NXPE2: variants seen among roughly 807,000 people sequenced by gnomAD.
The protein encoded by NXPE2 is NXPE family member 2.
Under a neutral mutation model 34.4 loss-of-function variants are expected in NXPE2, and 34 were observed. That is an observed-to-expected ratio of 0.99 (90% confidence interval 0.75 to 1.31). The LOEUF (loss-of-function observed/expected upper bound fraction) is 1.31. Among genes scored for constraint, NXPE2 ranks in the 40% most tolerant of loss-of-function variants. The pLI is 0.00. For synonymous variants in NXPE2, 235 were observed against 231.3 expected (o/e 1.02, Z -0.15); for missense variants, 649 against 672.5 (o/e 0.97, Z 0.39).
chr11:114,500,401 T>C, the NXPE2 span, among the ~76,000 whole-genome samples: 1 of 152,156 alleles, frequency 6.6e-6, no homozygotes, highest in Admixed American at 6.5e-5. Context: ...TGGCCATTCA[T>C]ATACTTTTGT....
the NXPE2 span, among the ~76,000 whole-genome samples, chr11:114,740,650 G>T: frequency 6.6e-6 from 1 of 152,100 alleles, no homozygotes; most frequent in Non-Finnish European, 1.5e-5. Flanking sequence ...TGCTGCTGTT[G>T]AATCAAATGT....
rs1212189204 is a variant in NXPE2, at chr11:114,706,823, A to G, written c.1573A>G (p.Ile525Val). The G allele has an allele frequency of 3.9e-6, 6 of 1,551,972 alleles. No homozygotes were observed. Among genetic ancestry groups the G allele is most frequent in the Non-Finnish European group, 5.2e-6 (6 of 1,146,864 alleles). ...TATTTTTGTGGATCTTAATGTGGGTATTATTGATGCCTGGGACATGACGAT... is the reference window on the plus strand; with the variant it reads ...TATTTTTGTGGATCTTAATGTGGGTGTTATTGATGCCTGGGACATGACGAT... The part of the protein sequence containing the change: ...RDIFVDLNVG[I>V]IDAWDMTIAY... Residue 525 changes from isoleucine (I) to valine (V), a missense_variant, in exon 6 of 6, where the codon ATT (isoleucine) becomes GTT (valine). Transcript: ENST00000389586.
chr11:114,543,246 C>T, the NXPE2 span, among the ~76,000 whole-genome samples: 1,019 of 152,188 alleles, frequency 6.7e-3, 15 homozygotes, highest in African/African-American at 0.022. Context: ...ATCCCAGCTA[C>T]TCAGGAGGCT....
chr11:114,558,474 C>A, the NXPE2 span, among the ~76,000 whole-genome samples: 2,082 of 152,062 alleles, frequency 0.014, 49 homozygotes, highest in African/African-American at 0.048. Flanking sequence ...TTTCTTAATG[C>A]CTTCTATTAG....
chr11:114,468,423 T>A, the NXPE2 span, among the ~76,000 whole-genome samples: 1 of 152,188 alleles, frequency 6.6e-6, no homozygotes, highest in African/African-American at 2.4e-5. Flanking sequence ...CATGGTGCAG[T>A]GGCTAGTGGC....
chr11:114,610,321 G>A, the NXPE2 span, among the ~76,000 whole-genome samples: 30 of 151,558 alleles, frequency 2.0e-4, no homozygotes, highest in Non-Finnish European at 2.5e-4. Context: ...ACTGTTATCC[G>A]GTGAATAATA....
chr11:114,633,504 G>T, the NXPE2 span, among the ~76,000 whole-genome samples: 1 of 149,984 alleles, frequency 6.7e-6, no homozygotes, highest in African/African-American at 2.4e-5. Context: ...GGGTACATGT[G>T]CACAATGTGC....
At chr11:114,779,425 G>A in the NXPE2 span, among the ~76,000 whole-genome samples, 1 of 152,174 alleles carries the variant, frequency 6.6e-6, no homozygotes, top group Non-Finnish European at 1.5e-5. Context: ...TGGCTGGATG[G>A]TGGGCGAGGG....
the NXPE2 span, among the ~76,000 whole-genome samples, chr11:114,489,294 G>T: frequency 6.6e-6 from 1 of 152,006 alleles, no homozygotes; most frequent in East Asian, 1.9e-4. Context: ...AGAGGAGCTG[G>T]TACCATTCCA....
chr11:114,581,084 T>G, the NXPE2 span, among the ~76,000 whole-genome samples: 1 of 152,186 alleles, frequency 6.6e-6, no homozygotes, highest in South Asian at 2.1e-4. Flanking sequence ...TAAATAGGTT[T>G]ATTAGTGATT....
intron 2 of NXPE2, among the ~76,000 whole-genome samples, chr11:114,690,050 T>A (rs545469003): frequency 3.3e-5 from 5 of 152,164 alleles, no homozygotes; most frequent in Admixed American, 6.5e-5. Flanking sequence ...TTTGCCACTC[T>A]ATGTCTTTTA....
the NXPE2 span, among the ~76,000 whole-genome samples, chr11:114,805,180 G>A: frequency 1.3e-5 from 2 of 150,524 alleles, no homozygotes; most frequent in Middle Eastern, 3.2e-3. Context: ...TACTTTTTGG[G>A]ACCACAAGGA....
the NXPE2 span, among the ~76,000 whole-genome samples, chr11:114,619,345 C>T: frequency 8.5e-5 from 13 of 152,156 alleles, no homozygotes; most frequent in African/African-American, 2.9e-4. Context: ...TGTGTGTAAC[C>T]ACTGTTACCC....
At chr11:114,769,897 A>G in the NXPE2 span, among the ~76,000 whole-genome samples, 26 of 152,222 alleles carry the variant, frequency 1.7e-4, no homozygotes, top group African/African-American at 5.3e-4. Context: ...CCACCATGGC[A>G]CATGTACATC....
At chr11:114,562,780 G>A in the NXPE2 span, among the ~76,000 whole-genome samples, 3 of 152,126 alleles carry the variant, frequency 2.0e-5, no homozygotes, top group Non-Finnish European at 2.9e-5. Context: ...TTCAGATAAG[G>A]CTCGATCTGT....
At chr11:114,559,646 T>G in the NXPE2 span, among the ~76,000 whole-genome samples, 4 of 152,200 alleles carry the variant, frequency 2.6e-5, no homozygotes, top group Admixed American at 1.3e-4. Context: ...CTTCTGAGCT[T>G]TCTCCCTTTT....
At chr11:114,539,465 T>C in the NXPE2 span, among the ~76,000 whole-genome samples, 1 of 152,196 alleles carries the variant, frequency 6.6e-6, no homozygotes, top group African/African-American at 2.4e-5. Context: ...GAGGAAGCTC[T>C]GTCCTTAATG....
chr11:114,782,954 C>A, the NXPE2 span, among the ~76,000 whole-genome samples: 1 of 152,190 alleles, frequency 6.6e-6, no homozygotes, highest in African/African-American at 2.4e-5. Flanking sequence ...AACTCCAGGG[C>A]TCTGGGGAGA....
At chr11:114,488,182 T>A in the NXPE2 span, among the ~76,000 whole-genome samples, 2 of 152,284 alleles carry the variant, frequency 1.3e-5, no homozygotes, top group South Asian at 4.1e-4. Flanking sequence ...TATTATTACT[T>A]GTGATTGGCC....
Sources: allele counts gnomAD v4.1 joint callset (sites outside exome capture counted in the v4.1 genomes callset), GRCh38; gene constraint gnomAD v4.1.1; transcripts MANE v1.5; gene names NCBI Gene and HGNC (gene_info 2026-07-23, HGNC 2026-07-21).